Variants in ITGA8 observed in about 807,000 individuals in gnomAD.
The protein encoded by ITGA8 is integrin alpha-8.
In ITGA8, 91 loss-of-function variants were observed where a neutral mutation model predicts 142.3. The observed-to-expected ratio is 0.64, with a 90% confidence interval of 0.54 to 0.76. The LOEUF is 0.76. Ranked by LOEUF, ITGA8 falls within the 30% of genes least tolerant of loss-of-function variation. The pLI is 0.00. For missense variants in ITGA8, 1,406 were observed against 1,327.7 expected, an observed-to-expected ratio of 1.06 and a Z score of -0.92; for synonymous variants, 505 against 485.2, an observed-to-expected ratio of 1.04 and a Z score of -0.54.
chr10:15,579,195 A>G (rs1441310583), intron 23 of ITGA8, among the ~76,000 whole-genome samples: 2 of 152,126 alleles, frequency 1.3e-5, no homozygotes, highest in Non-Finnish European at 2.9e-5. Flanking sequence ...TACTATGTAA[A>G]TGGCTAAAAA....
chr10:15,543,800 G>C (rs1397252885), intron 27 of ITGA8, among the ~76,000 whole-genome samples: 4 of 152,170 alleles, frequency 2.6e-5, no homozygotes, highest in African/African-American at 9.7e-5. Flanking sequence ...TGGAATAATG[G>C]TCTTTGCAGA....
In ITGA8 at chr10:15,604,285, C is replaced by G; in HGVS notation, c.2041G>C (p.Glu681Gln). 6.2e-7 allele frequency: 1 copy of G among 1,612,668 alleles called. No individual in the cohort carries two copies. The highest frequency in any genetic ancestry group is 8.5e-7 in the Non-Finnish European group (1 of 1,178,810). ...MLIINARNEG[E>Q]GAYEAELFVM... ...AAGAGTTCAGCTTCATATGCTCCTT[C>G]CCCTTCATTTCTTGCATTTATTATG... Residue 681 changes from glutamate (E) to glutamine (Q), a missense_variant, in exon 20 of 30, where the codon GAA becomes CAA. Physicochemically the swap from Glu to Gln is conservative, Grantham distance 29 (BLOSUM62 2). Coordinates refer to ENST00000378076, the MANE Select transcript of ITGA8 (RefSeq NM_003638.3).
chr10:15,713,477 C>A (rs1835397336), intron 2 of ITGA8, among the ~76,000 whole-genome samples: 1 of 152,070 alleles, frequency 6.6e-6, no homozygotes, highest in South Asian at 2.1e-4. Context: ...TTTCTCCTGT[C>A]CCTAAGTCCT....
rs148889226 is a variant in ITGA8, at chr10:15,706,221, A to C, written c.343+12545T>G. ...TATTCCTTCAGTTCCTTAGGCCAAA[A>C]TTTCCTCTTTTTTTGCACTCTTCAT... is the stretch of plus-strand genomic sequence containing the variant. On this transcript the variant is annotated intron_variant, in intron 2 of 29. Coordinates refer to ENST00000378076, the MANE Select transcript of ITGA8 (RefSeq NM_003638.3). 9.4e-3 allele frequency among the ~76,000 whole-genome samples: 1,423 copies of C among 151,874 alleles called. 19 individuals carry two copies. Among genetic ancestry groups the C allele is most frequent in the Middle Eastern group, 0.02 (6 of 294 alleles).
Position 15,707,961 on chromosome 10 carries a change from GACACACAC to G in ITGA8, c.343+10797_343+10804del, listed in dbSNP as rs138462340. On this transcript the variant is annotated intron_variant, in intron 2 of 29. Transcript: ENST00000378076. ...AAGCTAAAATAAATGTGCACACACC[GACACACAC>G]ACACACACACACACACACACACACA... is the stretch of plus-strand genomic sequence containing the variant. 4.0e-4 allele frequency among the ~76,000 whole-genome samples: 58 copies of G among 144,942 alleles called. No homozygotes were observed. The East Asian group carries it at 5.4e-3, about 14-fold the overall frequency.
chr10:15,576,025 G>T (rs1357909424), intron 23 of ITGA8, among the ~76,000 whole-genome samples: 1 of 151,884 alleles, frequency 6.6e-6, no homozygotes, highest in East Asian at 1.9e-4. Context: ...CAAGAAATGG[G>T]ATTCTTTTTT....
chr10:15,688,076 A>G (rs1834865055), intron 2 of ITGA8, 38 bp from the exon 3 acceptor site: 8 of 1,334,948 alleles, frequency 6.0e-6, no homozygotes, highest in Non-Finnish European at 8.6e-6. Flanking sequence ...AATTTGTAAA[A>G]TGTGGCAGCC....
chr10:15,708,604 C>G (rs1292122293), intron 2 of ITGA8, among the ~76,000 whole-genome samples: 3 of 152,106 alleles, frequency 2.0e-5, no homozygotes, highest in African/African-American at 7.2e-5. Context: ...AAGTTTTAAT[C>G]ACATTTCCCA....
chr10:15,648,965 G>A (rs1330980627), intron 11 of ITGA8, among the ~76,000 whole-genome samples: 1 of 152,160 alleles, frequency 6.6e-6, no homozygotes, highest in East Asian at 1.9e-4. Context: ...ATGAGACAAT[G>A]AAATTAACGC....
chr10:15,546,316 T>C (rs1833667104), intron 27 of ITGA8, among the ~76,000 whole-genome samples: 1 of 152,250 alleles, frequency 6.6e-6, no homozygotes, highest in Non-Finnish European at 1.5e-5. Context: ...TGTTCACAGC[T>C]ATTTCTCCTA....
chr10:15,622,762 T>C (rs1477341819), intron 13 of ITGA8, among the ~76,000 whole-genome samples: 1 of 152,166 alleles, frequency 6.6e-6, no homozygotes, highest in East Asian at 1.9e-4. Context: ...TTATGCCTAA[T>C]CATACAAATT....
At chr10:15,711,037 T>A (rs935607786) in intron 2 of ITGA8, among the ~76,000 whole-genome samples, 1 of 152,206 alleles carries the variant, frequency 6.6e-6, no homozygotes, top group Non-Finnish European at 1.5e-5. Flanking sequence ...AGTGCCATTA[T>A]ACTAATTTTG....
chr10:15,646,742 A>T (rs1833987005), intron 12 of ITGA8, 104 bp downstream of exon 12: 2 of 739,580 alleles, frequency 2.7e-6, no homozygotes, highest in East Asian at 2.7e-5. Flanking sequence ...CAGTAATAAT[A>T]ACTGCACCCA....
At chr10:15,618,112 T>C (rs758824066) in intron 13 of ITGA8, among the ~76,000 whole-genome samples, 6 of 152,144 alleles carry the variant, frequency 3.9e-5, no homozygotes, top group Admixed American at 6.5e-5. Context: ...GGTTGAAGAA[T>C]TACTCACGGA....
At chr10:15,652,762 C>G (rs1270683630) in intron 11 of ITGA8, among the ~76,000 whole-genome samples, 4 of 152,182 alleles carry the variant, frequency 2.6e-5, no homozygotes, top group Non-Finnish European at 5.9e-5. Context: ...AGAGAGCAAG[C>G]ACTGCAATCT....
chr10:15,614,704 CAAG>C (rs769443557), intron 14 of ITGA8, among the ~76,000 whole-genome samples: 5 of 152,166 alleles, frequency 3.3e-5, no homozygotes, highest in Admixed American at 6.5e-5. Context: ...TTCCCCCCAA[CAAG>C]AAGAAGGGCT....
intron 13 of ITGA8, among the ~76,000 whole-genome samples, chr10:15,621,342 C>G (rs1588680264): frequency 6.6e-6 from 1 of 150,592 alleles, no homozygotes; most frequent in Non-Finnish European, 1.5e-5. Context: ...TTTAAGGAAA[C>G]AAAAAGGGGA....
In ITGA8 at chr10:15,519,518, T is replaced by C; in HGVS notation, c.2983-106A>G. ...GGAAGTTGATCTGAAAGGATCCATA[T>C]GACAATTGAAATCATCTAGGGGATA... is the stretch of plus-strand genomic sequence containing the variant. On this transcript the variant is annotated intron_variant, in intron 28 of 29. Coordinates refer to ENST00000378076, the MANE Select transcript of ITGA8 (RefSeq NM_003638.3). The C allele has an allele frequency of 4.1e-6, 5 of 1,226,584 alleles. No individual in the cohort carries two copies. The South Asian group carries it at 5.0e-5, about 12-fold the overall frequency. The allele number at this position is 1,226,584 out of a possible 1,614,324, so 76.0% of individuals were successfully genotyped here. A position where few individuals can be genotyped will look rare whatever the true frequency, so the allele number is the denominator to read the frequency against.
intron 19 of ITGA8, among the ~76,000 whole-genome samples, chr10:15,604,864 A>G (rs1833166516): frequency 6.6e-6 from 1 of 152,194 alleles, no homozygotes; most frequent in Non-Finnish European, 1.5e-5. Context: ...GGGAAGAAGC[A>G]GGCAGATACA....
Sources: gnomAD v4.1 joint callset for allele counts (sites outside exome capture counted in the v4.1 genomes callset) on GRCh38, gnomAD v4.1.1 for gene constraint, MANE v1.5 for transcripts, NCBI Gene and HGNC (gene_info 2026-07-23, HGNC 2026-07-21) for gene names.